The following C14orf93 variants were observed in gnomAD, a reference collection of about 807,000 sequenced individuals.
C14orf93 encodes chromosome 14 open reading frame 93, also known as uncharacterized protein C14orf93.
C14orf93 carries 23 observed loss-of-function variants against 44.0 expected under a neutral mutation model. The ratio of observed to expected loss-of-function variants is 0.52; its 90% CI spans 0.38 to 0.74. The LOEUF is 0.74. Among genes scored for constraint, C14orf93 ranks in the 30% least tolerant of loss-of-function variants. The pLI is 0.00. For synonymous variants in C14orf93, 253 were observed against 265.7 expected, an observed-to-expected ratio of 0.95 and a Z score of 0.46; for missense variants, 579 against 678.9, an observed-to-expected ratio of 0.85 and a Z score of 1.64.
chr14:22,996,810 C>T lies in C14orf93; in HGVS notation c.598-542G>A, dbSNP rs1457189722. The stretch of plus-strand genomic sequence containing the variant: ...TGCCCTCACCTTGATCCTGCCCCGG[C>T]CACATTCGACTGTCATAGCCCCTGA... On this transcript the variant is annotated intron_variant, in intron 2 of 6. Coordinates refer to ENST00000299088, the MANE Select transcript of C14orf93 (RefSeq NM_021944.4). This position sits in a 1 kb window ranked among gnomAD's most constrained non-coding sequence, Gnocchi z 4.1. 6.6e-6 allele frequency among the ~76,000 whole-genome samples: 1 copy of T among 152,154 alleles called. No homozygotes were observed.
intron 1 of C14orf93, among the ~76,000 whole-genome samples, chr14:23,008,552 G>A (rs1236796142): frequency 6.6e-6 from 1 of 151,430 alleles, no homozygotes; most frequent in Non-Finnish European, 1.5e-5. Context: ...CACTGCATTT[G>A]TGACATTCCA....
intron 4 of C14orf93, 43 bp downstream of exon 4, chr14:22,990,023 T>C: frequency 6.4e-7 from 1 of 1,567,542 alleles, no homozygotes; most frequent in Non-Finnish European, 8.8e-7. Flanking sequence ...TCCCTGTCCT[T>C]AGCAAAGTAC....
intron 1 of C14orf93, chr14:23,005,089 T>C (rs923696045): frequency 5.3e-5 from 8 of 152,090 alleles, no homozygotes; most frequent in Non-Finnish European, 1.2e-4. Context: ...CAGTTGAGCC[T>C]TGAGCAATGT....
At chr14:23,007,727 G>T (rs1316393101) in intron 1 of C14orf93, among the ~76,000 whole-genome samples, 3 of 152,160 alleles carry the variant, frequency 2.0e-5, no homozygotes, top group African/African-American at 7.2e-5. Context: ...TAGGAAATCA[G>T]GGATACGGGC....
At position 22,990,082 on chromosome 14, in the gene C14orf93, A is replaced by C. The variant is rs767085101; in HGVS notation, c.964T>G (p.Phe322Val). ...VHNHITNDKR[F>V]NGSESIKSSW... ...AGACCATACCTTTCAGACCCATTGA[A>C]TCTCTTGTCATTGGTGATGTGGTTA... Residue 322 changes from phenylalanine (F) to valine (V), a missense_variant, in exon 4 of 7, where the codon TTC (phenylalanine) becomes GTC (valine). Coordinates refer to ENST00000299088, the MANE Select transcript of C14orf93 (RefSeq NM_021944.4). 9 of 1,613,498 alleles carry C rather than the reference A, an allele frequency of 5.6e-6. No homozygotes were observed. Among genetic ancestry groups the C allele is most frequent in the South Asian group, 1.1e-5 (1 of 91,006 alleles).
chr14:22,988,245 T>C (rs904980544), intron 5 of C14orf93, among the ~76,000 whole-genome samples: 2 of 151,948 alleles, frequency 1.3e-5, no homozygotes, highest in Admixed American at 1.3e-4. Flanking sequence ...GCGATTCTCC[T>C]GCCTCAGCCT....
chr14:22,987,708 G>T lies in C14orf93; in HGVS notation c.1198-74C>A, dbSNP rs995306613. 1.4e-6 allele frequency: 2 copies of T among 1,457,764 alleles called. No homozygotes were observed. The highest frequency in any genetic ancestry group is 1.4e-5 in the South Asian group (1 of 73,144). 90.3% of individuals were successfully genotyped at this position (1,457,764 alleles called of 1,614,324 possible). On this transcript the variant is annotated intron_variant, in intron 6 of 6. Transcript: ENST00000299088. This position sits in a 1 kb window ranked among gnomAD's most constrained non-coding sequence, Gnocchi z 5.6. ...ATTAGATTTGGGGAAAAGGTTTGGT[G>T]GGGAAGGCTGTGTAAAATCTGTGCC...
In C14orf93 at chr14:22,987,362, T is replaced by C. The variant is rs746776978; in HGVS notation, c.1470A>G (p.Pro490=). 5.6e-6 allele frequency: 9 copies of C among 1,614,266 alleles called. No individual in the cohort carries two copies. Among genetic ancestry groups the C allele is most frequent in the Non-Finnish European group, 4.2e-6 (5 of 1,180,052 alleles). The change falls in exon 7 of 7, where the codon CCA becomes CCG. Residue 490 remains proline (P), a synonymous_variant. Coordinates refer to ENST00000299088, the MANE Select transcript of C14orf93 (RefSeq NM_021944.4). This position sits in a 1 kb window ranked among gnomAD's most constrained non-coding sequence, Gnocchi z 5.6. ...CTTGGAAATTAGGATTGTAAAGTTC[T>C]GGTGGAAGGAGCTGGGCTTCAGCAG... ...LPSAEAQLLP[P]ELYNPNFQEE... is the part of the protein sequence containing the mutation.
intron 1 of C14orf93, among the ~76,000 whole-genome samples, chr14:23,008,938 G>A (rs1287013448): frequency 6.6e-6 from 1 of 152,142 alleles, no homozygotes; most frequent in Non-Finnish European, 1.5e-5. Flanking sequence ...TGCCAGCTGT[G>A]GAGCTTTTCG....
intron 3 of C14orf93, among the ~76,000 whole-genome samples, chr14:22,990,882 G>A (rs1354644046): frequency 7.5e-5 from 11 of 146,470 alleles, no homozygotes; most frequent in African/African-American, 2.3e-4. Flanking sequence ...GCAGTGGCAC[G>A]ATCTTGGCTC....
intron 3 of C14orf93, among the ~76,000 whole-genome samples, chr14:22,991,631 C>T (rs10873071): frequency 0.15 from 21,856 of 150,236 alleles, 1,789 homozygotes; most frequent in Admixed American, 0.19. Context: ...AGTGCAATGG[C>T]GGGATCTCGG....
intron 1 of C14orf93, among the ~76,000 whole-genome samples, chr14:23,004,692 G>A (rs2046539031): frequency 6.6e-6 from 1 of 152,116 alleles, no homozygotes; most frequent in Admixed American, 6.5e-5. Flanking sequence ...GCTGAGGCGG[G>A]TAGATCACCT....
intron 1 of C14orf93, among the ~76,000 whole-genome samples, chr14:23,002,027 T>C (rs1467196940): frequency 2.0e-5 from 3 of 151,044 alleles, no homozygotes; most frequent in Admixed American, 2.0e-4. Flanking sequence ...CGGGCGACTG[T>C]AGTCCCAGCT....
In C14orf93 at chr14:22,987,656, T is replaced by C. The variant is rs756679968; in HGVS notation, c.1198-22A>G. ...AAAGCTAAGGCAGGAACCCAGGAGATAGATTAGGAAGGTAAACATTCTATG... is the reference window on the plus strand; with the variant it reads ...AAAGCTAAGGCAGGAACCCAGGAGACAGATTAGGAAGGTAAACATTCTATG... On this transcript the variant is annotated intron_variant, in intron 6 of 6. Coordinates refer to ENST00000299088, the MANE Select transcript of C14orf93 (RefSeq NM_021944.4). This position sits in a 1 kb window ranked among gnomAD's most constrained non-coding sequence, Gnocchi z 5.6. 3 of 1,554,440 alleles carry C rather than the reference T, an allele frequency of 1.9e-6. No individual in the cohort carries two copies. Among genetic ancestry groups the C allele is most frequent in the Non-Finnish European group, 2.6e-6 (3 of 1,153,000 alleles).
In C14orf93 at chr14:22,986,984, G is replaced by A; in HGVS notation, c.*231C>T. The A allele has an allele frequency of 1.8e-6, 1 of 571,114 alleles. No individual in the cohort carries two copies. The allele number at this position is 571,114 out of a possible 1,614,324, so 35.4% of individuals were successfully genotyped here. On this transcript the variant is annotated 3_prime_UTR_variant, in exon 7 of 7. Transcript: ENST00000299088. Reference sequence around the variant, plus strand: ...TTCTCCGAGATACTGTTTATGCTGAGGAATAAGCATATTCTGGCTTACTGT... The same window carrying A: ...TTCTCCGAGATACTGTTTATGCTGAAGAATAAGCATATTCTGGCTTACTGT...
At position 22,998,631 on chromosome 14, in the gene C14orf93, G is replaced by C; in HGVS notation, c.393C>G (p.Pro131=). 6.2e-7 allele frequency: 1 copy of C among 1,613,886 alleles called. No individual in the cohort carries two copies. Among genetic ancestry groups the C allele is most frequent in the Non-Finnish European group, 8.5e-7 (1 of 1,179,784 alleles). Reference sequence around the variant, plus strand: ...CAGACAGAGCCTTAAAGGCTTCCCCGGGACTTTCCTTGAGAGGCCCAGGCT... The same window carrying C: ...CAGACAGAGCCTTAAAGGCTTCCCCCGGACTTTCCTTGAGAGGCCCAGGCT... The part of the protein sequence containing the change: ...PEEPGPLKES[P]GEAFKALSAV... The change falls in exon 2 of 7, where the codon CCC becomes CCG. Residue 131 remains proline, a synonymous_variant. Coordinates refer to ENST00000299088, the MANE Select transcript of C14orf93 (RefSeq NM_021944.4).
intron 4 of C14orf93, 79 bp from the exon 5 acceptor site, chr14:22,989,924 A>G: frequency 6.8e-7 from 1 of 1,467,824 alleles, no homozygotes; most frequent in Non-Finnish European, 9.5e-7. Context: ...GCACTAATCA[A>G]CTTTGTGGCA....
chr14:22,994,961 G>A (rs57389054), intron 3 of C14orf93, among the ~76,000 whole-genome samples: 5,001 of 152,106 alleles, frequency 0.033, 268 homozygotes, highest in African/African-American at 0.11. Context: ...AATCACAAAC[G>A]TCTCCAGATG....
intron 1 of C14orf93, among the ~76,000 whole-genome samples, chr14:23,007,377 T>C (rs12431472): frequency 0.15 from 22,443 of 152,240 alleles, 1,735 homozygotes; most frequent in Non-Finnish European, 0.17. Context: ...CTTGCTTTTG[T>C]TCTCTGCTGC....
Sources: allele counts gnomAD v4.1 joint callset (sites outside exome capture counted in the v4.1 genomes callset), GRCh38; gene constraint gnomAD v4.1.1; non-coding constraint Gnocchi (gnomAD v3.1); transcripts MANE v1.5; gene names NCBI Gene and HGNC (gene_info 2026-07-23, HGNC 2026-07-21).